Variants in TTBK1 observed in about 807,000 individuals in gnomAD.
TTBK1 encodes the protein tau tubulin kinase 1, also known as tau-tubulin kinase 1.
Under a neutral mutation model 108.5 loss-of-function variants are expected in TTBK1, and 34 were observed. The observed-to-expected ratio is 0.31, with a 90% confidence interval of 0.24 to 0.42. The LOEUF is 0.42. TTBK1 is among the 10% of genes least tolerant of loss of function. TTBK1 has a pLI of 1.00. For missense variants in TTBK1, 1,539 were observed against 1,826.0 expected, an observed-to-expected ratio of 0.84 and a Z score of 2.86; for synonymous variants, 809 against 795.1, an observed-to-expected ratio of 1.02 and a Z score of -0.29.
chr6:43,250,893 C>T (rs926334430), intron 2 of TTBK1, among the ~76,000 whole-genome samples: 1 of 152,204 alleles, frequency 6.6e-6, no homozygotes, highest in African/African-American at 2.4e-5. Flanking sequence ...AGAAGATATT[C>T]GCATCTCCCC....
Position 43,283,345 on chromosome 6 carries a change from C to A in TTBK1, c.2605C>A (p.His869Asn), listed in dbSNP as rs1778241892. 1 of 1,591,008 alleles carries A rather than the reference C, an allele frequency of 6.3e-7. No individual in the cohort carries two copies. Among genetic ancestry groups the A allele is most frequent in the Non-Finnish European group, 8.6e-7 (1 of 1,168,740 alleles). ...CACCCTGGCTGCCCTCACTCCTCAG[C>A]ATGAGCGGCCCCAGCCCACGGGCAG... is the stretch of plus-strand genomic sequence containing the variant. ...LGTLAALTPQ[H>N]ERPQPTGSQL... is the part of the protein sequence containing the mutation. Residue 869 changes from histidine (H) to asparagine (N), a missense_variant, in exon 14 of 15, where the codon CAT becomes AAT. Coordinates refer to ENST00000259750, the MANE Select transcript of TTBK1 (RefSeq NM_032538.3). This position sits in a 1 kb window ranked among gnomAD's most constrained non-coding sequence, Gnocchi z 8.1.
chr6:43,280,656 C>CA (rs1464364584), intron 13 of TTBK1, among the ~76,000 whole-genome samples: 1 of 152,140 alleles, frequency 6.6e-6, no homozygotes, highest in Non-Finnish European at 1.5e-5. Flanking sequence ...CTCTGTGTAT[C>CA]AGGAGAGGGA....
Position 43,263,383 on chromosome 6 carries a change from C to A in TTBK1, c.1986+33C>A, listed in dbSNP as rs201093588. The A allele has an allele frequency of 8.3e-5, 120 of 1,445,218 alleles. No individual in the cohort carries two copies. The African/African-American group carries it at 1.6e-3, about 20-fold the overall frequency. 89.5% of individuals were successfully genotyped at this position (1,445,218 alleles called of 1,614,324 possible). Reference sequence around the variant, plus strand: ...TGGGCTTGCACCCCACTCCCCATCTCCAGATGCCCAGAGTCCTGGTGTGTA... The same window carrying A: ...TGGGCTTGCACCCCACTCCCCATCTACAGATGCCCAGAGTCCTGGTGTGTA... On this transcript the variant is annotated intron_variant, in intron 13 of 14. Coordinates refer to ENST00000259750, the MANE Select transcript of TTBK1 (RefSeq NM_032538.3). This position sits in a 1 kb window ranked among gnomAD's most constrained non-coding sequence, Gnocchi z 4.7.
In TTBK1 at chr6:43,263,158, C is replaced by G; in HGVS notation, c.1794C>G (p.Arg598=). 1 of 1,572,088 alleles carries G rather than the reference C, an allele frequency of 6.4e-7. No homozygotes were observed. The highest frequency in any genetic ancestry group is 8.6e-7 in the Non-Finnish European group (1 of 1,157,622). The change falls in exon 13 of 15, where the codon CGC becomes CGG. Residue 598 remains arginine, a synonymous_variant. Coordinates refer to ENST00000259750, the MANE Select transcript of TTBK1 (RefSeq NM_032538.3). The surrounding 1 kb of genome is among the most constrained non-coding windows in gnomAD (Gnocchi z 4.7). The part of the protein sequence containing the change: ...GAEPTVRPRG[R]SMQALAEEDL... ...AGCCCACCGTCCGGCCCCGGGGACG[C>G]AGCATGCAGGCGCTGGCGGAGGAGG...
intron 12 of TTBK1, among the ~76,000 whole-genome samples, chr6:43,262,226 G>T (rs1203083663): frequency 1.3e-5 from 2 of 152,230 alleles, no homozygotes; most frequent in Admixed American, 1.3e-4. Flanking sequence ...GGACTTTGTT[G>T]TTGGGGCCGG....
intron 12 of TTBK1, 111 bp from the exon 13 acceptor site, chr6:43,262,678 G>C (rs1341936880): frequency 1.5e-5 from 16 of 1,061,632 alleles, no homozygotes; most frequent in Non-Finnish European, 2.1e-5. Flanking sequence ...GGGTGGGAGG[G>C]GTACTGCGGT....
intron 2 of TTBK1, 84 bp downstream of exon 2, chr6:43,246,852 C>A: frequency 9.4e-7 from 1 of 1,060,382 alleles, no homozygotes; most frequent in South Asian, 1.5e-5. Flanking sequence ...CGGTGCCCTC[C>A]GCTCCCCTAC....
chr6:43,246,847 C>T, intron 2 of TTBK1, 79 bp downstream of exon 2: 2 of 1,068,508 alleles, frequency 1.9e-6, no homozygotes, highest in South Asian at 1.5e-5. Context: ...AAAACCGGTG[C>T]CCTCCGCTCC....
chr6:43,272,474 C>T (rs1011572536), intron 13 of TTBK1: 2 of 985,448 alleles, frequency 2.0e-6, no homozygotes, highest in South Asian at 4.7e-5. Context: ...AACACACACC[C>T]CCCACCTCAG....
chr6:43,269,760 G>A lies in TTBK1; in HGVS notation c.1986+6410G>A, dbSNP rs1362015551. The A allele has an allele frequency of 1.9e-6, 3 of 1,600,498 alleles. No individual in the cohort carries two copies. The highest frequency in any genetic ancestry group is 1.7e-5 in the Admixed American group (1 of 59,188). ...GACGGAGCATTACCCTCACCCCGGC[G>A]GCGGCGGCTCCTCGGGCTCCTCCGG... is the stretch of plus-strand genomic sequence containing the variant. On this transcript the variant is annotated intron_variant, in intron 13 of 14. Coordinates refer to ENST00000259750, the MANE Select transcript of TTBK1 (RefSeq NM_032538.3). This position sits in a 1 kb window ranked among gnomAD's most constrained non-coding sequence, Gnocchi z 4.8.
At chr6:43,280,355 A>G (rs528295451) in intron 13 of TTBK1, among the ~76,000 whole-genome samples, 41 of 152,314 alleles carry the variant, frequency 2.7e-4, no homozygotes, top group African/African-American at 8.9e-4. Flanking sequence ...GGAGGGGGCC[A>G]ATGACCTCCA....
At position 43,259,607 on chromosome 6, in the gene TTBK1, C is replaced by T; in HGVS notation, c.1325C>T (p.Pro442Leu). 7 of 1,611,944 alleles carry T rather than the reference C, an allele frequency of 4.3e-6. No homozygotes were observed. The highest frequency in any genetic ancestry group is 5.9e-6 in the Non-Finnish European group (7 of 1,179,296). The change falls in exon 12 of 15, where the codon CCC becomes CTC. Residue 442 changes from proline to leucine, a missense_variant. Coordinates refer to ENST00000259750, the MANE Select transcript of TTBK1 (RefSeq NM_032538.3). The surrounding 1 kb of genome is among the most constrained non-coding windows in gnomAD (Gnocchi z 6.7). ...SSPVRAPPDS[P>L]TTPVRSLRYR... ...CCAGTGCGTGCCCCCCCAGACTCCC[C>T]CACAACCCCAGTCCGTTCTCTGCGC... is the stretch of plus-strand genomic sequence containing the variant.
At position 43,255,127 on chromosome 6, in the gene TTBK1, G is replaced by A; in HGVS notation, c.642+13G>A. On this transcript the variant is annotated intron_variant, in intron 7 of 14. Coordinates refer to ENST00000259750, the MANE Select transcript of TTBK1 (RefSeq NM_032538.3). ...CCACAAGAACCGGGTGAGTGGCAAA[G>A]CCCGGGATGCAGGATGTGGAGGTGG... 1.3e-6 allele frequency: 2 copies of A among 1,593,308 alleles called. No individual in the cohort carries two copies. Among genetic ancestry groups the A allele is most frequent in the South Asian group, 1.1e-5 (1 of 90,794 alleles).
Position 43,259,188 on chromosome 6 carries a change from C to T in TTBK1, c.1167C>T (p.Val389=), listed in dbSNP as rs774099282. 4 of 1,608,348 alleles carry T rather than the reference C, an allele frequency of 2.5e-6. No homozygotes were observed. The highest frequency in any genetic ancestry group is 2.5e-6 in the Non-Finnish European group (3 of 1,177,392). Residue 389 remains valine, a synonymous_variant, in exon 11 of 15, where the codon GTC becomes GTT. Transcript: ENST00000259750. This position sits in a 1 kb window ranked among gnomAD's most constrained non-coding sequence, Gnocchi z 6.7. Reference sequence around the variant, plus strand: ...GGCTGGGCCCCAGTCCCCACCTTGTCCCCCACCCCGGGGGTCCTGAGGCTG... The same window carrying T: ...GGCTGGGCCCCAGTCCCCACCTTGTTCCCCACCCCGGGGGTCCTGAGGCTG... The part of the protein sequence containing the change: ...SEGLGPSPHL[V]PHPGGPEAEV...
In TTBK1 at chr6:43,269,957, G is replaced by GCC; in HGVS notation, c.1986+6615_1986+6616dup. 3 of 1,391,196 alleles carry GCC rather than the reference G, an allele frequency of 2.2e-6. No homozygotes were observed. The highest frequency in any genetic ancestry group is 1.9e-6 in the Non-Finnish European group (2 of 1,064,286). 86.2% of individuals were successfully genotyped at this position (1,391,196 alleles called of 1,614,324 possible). Reference sequence around the variant, plus strand: ...GGTTCACCCACAAGACCTAGGCTGGGCCCCCCCCCTCCTGGAGGGGGCAGG... The same window carrying GCC: ...GGTTCACCCACAAGACCTAGGCTGGGCCCCCCCCCCCTCCTGGAGGGGGCAGG... On this transcript the variant is annotated intron_variant, in intron 13 of 14. Transcript: ENST00000259750. This position sits in a 1 kb window ranked among gnomAD's most constrained non-coding sequence, Gnocchi z 4.8.
chr6:43,274,147 A>G (rs1240478006), intron 13 of TTBK1, among the ~76,000 whole-genome samples: 1 of 152,184 alleles, frequency 6.6e-6, no homozygotes, highest in African/African-American at 2.4e-5. Context: ...CGATAACTCA[A>G]TATACATCCC....
At chr6:43,261,974 A>T (rs1284441410) in intron 12 of TTBK1, among the ~76,000 whole-genome samples, 1 of 152,152 alleles carries the variant, frequency 6.6e-6, no homozygotes, top group Non-Finnish European at 1.5e-5. Flanking sequence ...GTGATGAGAG[A>T]GAGATAGAAC....
rs768793619 is a variant in TTBK1 at position 43,262,981 on chromosome 6, C to T, written c.1617C>T (p.Asp539=). The change falls in exon 13 of 15, where the codon GAC becomes GAT. Residue 539 remains aspartate (D), a synonymous_variant. Transcript: ENST00000259750. The stretch of plus-strand genomic sequence containing the variant: ...CGCTGGCTGAGGAGGAGGATTTCGA[C>T]AGCAAAGAGTGGGTCATCATCGACA... The part of the protein sequence containing the change: ...SVPLAEEEDF[D]SKEWVIIDKE... 3 of 1,613,114 alleles carry T rather than the reference C, an allele frequency of 1.9e-6. No homozygotes were observed. The highest frequency in any genetic ancestry group is 2.5e-6 in the Non-Finnish European group (3 of 1,179,598).
intron 13 of TTBK1, among the ~76,000 whole-genome samples, chr6:43,268,246 AG>A (rs1263699355): frequency 6.6e-6 from 1 of 152,140 alleles, no homozygotes; most frequent in Non-Finnish European, 1.5e-5. Context: ...GTGCTGTGAG[AG>A]GGGGCTTTGG....
Sources: allele counts gnomAD v4.1 joint callset (sites outside exome capture counted in the v4.1 genomes callset), GRCh38; gene constraint gnomAD v4.1.1; non-coding constraint Gnocchi (gnomAD v3.1); transcripts MANE v1.5; gene names NCBI Gene and HGNC (gene_info 2026-07-23, HGNC 2026-07-21).